Variants in DOCK3 observed in about 807,000 individuals in gnomAD.
DOCK3 encodes the protein dedicator of cytokinesis protein 3.
In DOCK3, 60 loss-of-function variants were observed where a neutral mutation model predicts 265.6. That is an observed-to-expected ratio of 0.23 (90% CI 0.18 to 0.28). The LOEUF is 0.28. DOCK3 is among the 10% of genes least tolerant of loss of function. The probability of loss-of-function intolerance (pLI) is 1.00; values close to 1 mark genes in which losing one functional copy is unlikely to be tolerated. For synonymous variants in DOCK3, 881 were observed against 938.0 expected (o/e 0.94, Z 1.11); for missense variants, 1,981 against 2,594.3 (o/e 0.76, Z 5.14).
chr3:51,336,921 A>C (rs912871833), intron 35 of DOCK3: 5 of 455,880 alleles, frequency 1.1e-5, no homozygotes, highest in African/African-American at 8.0e-5. Flanking sequence ...CATGGGGCCA[A>C]CTTACTGGGG....
rs140193135 is a variant in DOCK3, at chr3:50,985,528, C to T, written c.315+51451C>T. Among the ~76,000 whole-genome samples the T allele has an allele frequency of 4.0e-3, 614 of 152,206 alleles. 6 individuals carry two copies. The highest frequency in any genetic ancestry group is 0.014 in the African/African-American group (576 of 41,538). ...TTGTAGAGACACTTTGTTCTGGTTG[C>T]ATAGCTTTTAATCACTTTCAGTGGG... On this transcript the variant is annotated intron_variant, in intron 5 of 52. Coordinates refer to ENST00000266037, the MANE Select transcript of DOCK3 (RefSeq NM_004947.5).
intron 12 of DOCK3, among the ~76,000 whole-genome samples, chr3:51,193,032 A>G (rs2088044549): frequency 6.6e-6 from 1 of 152,172 alleles, no homozygotes; most frequent in African/African-American, 2.4e-5. Context: ...TTCCCTATTC[A>G]GTGTGATGGT....
chr3:50,874,061 C>CTTTT (rs1234594228), intron 3 of DOCK3, among the ~76,000 whole-genome samples: 2 of 104,574 alleles, frequency 1.9e-5, no homozygotes, highest in African/African-American at 3.8e-5. Context: ...TTTTTCTTTT[C>CTTTT]TTTTGTTTTT....
chr3:51,371,060 C>G (rs145732988), intron 49 of DOCK3, among the ~76,000 whole-genome samples: 1 of 152,174 alleles, frequency 6.6e-6, no homozygotes, highest in African/African-American at 2.4e-5. Flanking sequence ...TTTTACCCAG[C>G]CTTGGATGTC....
At chr3:50,952,287 G>T (rs1030538011) in intron 5 of DOCK3, among the ~76,000 whole-genome samples, 1 of 152,152 alleles carries the variant, frequency 6.6e-6, no homozygotes, top group African/African-American at 2.4e-5. Flanking sequence ...TGTTTCAGGT[G>T]TCAAATGTTC....
rs1013537446 is a variant in DOCK3, at chr3:50,750,742, A to G, written c.38-27933A>G. ...GATTGCTTTGGCATTATTCATGGCCAGTTTTGTGTGCTTTAAGCTAGATTT... is the reference window on the plus strand; with the variant it reads ...GATTGCTTTGGCATTATTCATGGCCGGTTTTGTGTGCTTTAAGCTAGATTT... On this transcript the variant is annotated intron_variant, in intron 1 of 52. Coordinates refer to ENST00000266037, the MANE Select transcript of DOCK3 (RefSeq NM_004947.5). Among the ~76,000 whole-genome samples, 5 of 152,112 alleles carry G rather than the reference A, an allele frequency of 3.3e-5. No homozygotes were observed. The East Asian group carries it at 9.6e-4, about 29-fold the overall frequency.
intron 21 of DOCK3, among the ~76,000 whole-genome samples, chr3:51,242,884 C>G (rs1470953787): frequency 1.3e-5 from 2 of 152,142 alleles, no homozygotes; most frequent in Non-Finnish European, 2.9e-5. Context: ...GCAGTGGGTC[C>G]TGGGGAAGCT....
intron 2 of DOCK3, among the ~76,000 whole-genome samples, chr3:50,838,248 G>T (rs1390455466): frequency 1.3e-5 from 2 of 152,096 alleles, no homozygotes; most frequent in African/African-American, 4.8e-5. Context: ...GACCAATAGA[G>T]AACTTTTGGA....
chr3:50,687,143 G>A (rs1381320671), intron 1 of DOCK3, among the ~76,000 whole-genome samples: 3 of 151,954 alleles, frequency 2.0e-5, no homozygotes, highest in African/African-American at 7.3e-5. Context: ...TTGAACCCGG[G>A]AGGTGGAGGT....
chr3:50,783,898 C>G (rs35098074), intron 2 of DOCK3, among the ~76,000 whole-genome samples: 1 of 147,764 alleles, frequency 6.8e-6, no homozygotes, highest in African/African-American at 2.5e-5. Context: ...GATGGAGTCT[C>G]GCTCTGTTTT....
chr3:51,299,347 T>C (rs991803581), intron 27 of DOCK3, among the ~76,000 whole-genome samples: 2 of 152,200 alleles, frequency 1.3e-5, no homozygotes, highest in African/African-American at 4.8e-5. Context: ...TTGCAGAAAT[T>C]TTCTCCCATT....
intron 51 of DOCK3, among the ~76,000 whole-genome samples, chr3:51,376,142 G>T (rs1433824339): frequency 6.6e-6 from 1 of 152,082 alleles, no homozygotes; most frequent in Non-Finnish European, 1.5e-5. Context: ...TACTTCCCTA[G>T]ACTCCTCCCA....
chr3:51,200,647 A>G (rs968754956), intron 12 of DOCK3, among the ~76,000 whole-genome samples: 4 of 151,870 alleles, frequency 2.6e-5, no homozygotes, highest in African/African-American at 9.7e-5. Flanking sequence ...GCAGGCCAAC[A>G]TTCAGGTTCA....
At chr3:51,025,963 A>G (rs185237214) in intron 5 of DOCK3, among the ~76,000 whole-genome samples, 1 of 152,044 alleles carries the variant, frequency 6.6e-6, no homozygotes, top group Non-Finnish European at 1.5e-5. Context: ...CACCTGTCTC[A>G]TGGAGTAGGC....
intron 12 of DOCK3, among the ~76,000 whole-genome samples, chr3:51,161,313 G>A (rs1397817235): frequency 4.7e-5 from 7 of 149,846 alleles, no homozygotes; most frequent in Middle Eastern, 3.6e-3. Context: ...GTGTGGTGGC[G>A]GACGCCTATA....
At chr3:51,244,379 G>A (rs1302150330) in intron 21 of DOCK3, among the ~76,000 whole-genome samples, 1 of 151,916 alleles carries the variant, frequency 6.6e-6, no homozygotes, top group Non-Finnish European at 1.5e-5. Context: ...ATTTCTTTAA[G>A]CAACATGTAT....
At chr3:50,719,974 G>T in intron 1 of DOCK3, 1 of 405,374 alleles carries the variant, frequency 2.5e-6, no homozygotes, top group Non-Finnish European at 4.6e-6. Context: ...TAGTGTCGTT[G>T]TCTACAAAGA....
intron 23 of DOCK3, among the ~76,000 whole-genome samples, chr3:51,266,736 C>A (rs962102722): frequency 3.3e-5 from 5 of 152,156 alleles, no homozygotes; most frequent in Non-Finnish European, 7.3e-5. Context: ...ACAAGAAAAT[C>A]TAGGCAATAC....
intron 12 of DOCK3, among the ~76,000 whole-genome samples, chr3:51,177,366 A>G (rs1018917328): frequency 3.9e-5 from 6 of 152,220 alleles, no homozygotes; most frequent in Non-Finnish European, 8.8e-5. Flanking sequence ...CTGTTGGGCT[A>G]TCATACTTCT....
Sources: gnomAD v4.1 joint callset for allele counts (sites outside exome capture counted in the v4.1 genomes callset) on GRCh38, gnomAD v4.1.1 for gene constraint, MANE v1.5 for transcripts, NCBI Gene and HGNC (gene_info 2026-07-23, HGNC 2026-07-21) for gene names.